Variants in SUCO observed in about 807,000 individuals in gnomAD.
SUCO encodes the protein SUN domain-containing ossification factor.
A neutral mutation model predicts 148.1 loss-of-function variants in SUCO; 57 were observed. That is an observed-to-expected ratio of 0.38 (90% CI 0.31 to 0.48). The LOEUF is 0.48. Ranked by LOEUF, SUCO falls within the 20% of genes least tolerant of loss-of-function variation. SUCO has a pLI of 0.96. For synonymous variants in SUCO, 470 were observed against 502.7 expected, an observed-to-expected ratio of 0.93 and a Z score of 0.87; for missense variants, 1,331 against 1,468.2, an observed-to-expected ratio of 0.91 and a Z score of 1.53.
chr1:172,554,343 G>T (rs548095809), intron 3 of SUCO, among the ~76,000 whole-genome samples: 1 of 152,242 alleles, frequency 6.6e-6, no homozygotes, highest in South Asian at 2.1e-4. Flanking sequence ...ACTTCCGAGT[G>T]CTTACCATGT....
At chr1:172,556,910 T>C in intron 4 of SUCO, 1 of 957,596 alleles carries the variant, frequency 1.0e-6, no homozygotes, top group Non-Finnish European at 1.2e-6. Flanking sequence ...AACGAAATTC[T>C]AAGAACACCT....
chr1:172,584,669 A>G (rs1335967958), intron 15 of SUCO, among the ~76,000 whole-genome samples: 1 of 152,122 alleles, frequency 6.6e-6, no homozygotes, highest in Admixed American at 6.5e-5. Flanking sequence ...GCTACTCGGG[A>G]GGCTGAGGCA....
intron 6 of SUCO, among the ~76,000 whole-genome samples, chr1:172,563,470 T>A (rs1288884089): frequency 6.6e-6 from 1 of 152,228 alleles, no homozygotes; most frequent in East Asian, 1.9e-4. Context: ...CTGGTGGCAT[T>A]GTGCCTCTGC....
At chr1:172,602,472 A>C in intron 21 of SUCO, 4 of 981,020 alleles carry the variant, frequency 4.1e-6, no homozygotes, top group Non-Finnish European at 4.8e-6. Context: ...AAGATGCTTA[A>C]ATGTGGAATT....
chr1:172,602,914 GTGC>G, intron 22 of SUCO, 127 bp downstream of exon 22: 1 of 778,916 alleles, frequency 1.3e-6, no homozygotes, highest in Admixed American at 2.3e-5. Context: ...CTTTGTCTTT[GTGC>G]TGTGTCAAGC....
At chr1:172,539,721 T>C (rs1362118105) in intron 1 of SUCO, among the ~76,000 whole-genome samples, 1 of 152,252 alleles carries the variant, frequency 6.6e-6, no homozygotes, top group Non-Finnish European at 1.5e-5. Context: ...TAAGCACTAC[T>C]GTATGAGTTA....
chr1:172,600,837 C>T (rs1320547565), intron 20 of SUCO, among the ~76,000 whole-genome samples: 2 of 151,990 alleles, frequency 1.3e-5, no homozygotes, highest in African/African-American at 2.4e-5. Context: ...AGCAGCCACA[C>T]ATTGCCTGGA....
At chr1:172,601,693 A>T (rs1309061691) in intron 20 of SUCO, among the ~76,000 whole-genome samples, 2 of 152,182 alleles carry the variant, frequency 1.3e-5, no homozygotes, top group Non-Finnish European at 2.9e-5. Flanking sequence ...AGTTCATTTT[A>T]TAAGATGGGA....
chr1:172,605,474 A>AT (rs1430257884), intron 22 of SUCO, among the ~76,000 whole-genome samples: 15 of 151,836 alleles, frequency 9.9e-5, no homozygotes, highest in African/African-American at 3.6e-4. Flanking sequence ...GACCACGTAC[A>AT]TGAGGGCTTA....
upstream of SUCO, chr1:172,532,669 G>A: frequency 1.2e-6 from 2 of 1,614,044 alleles, no homozygotes; most frequent in Non-Finnish European, 1.7e-6. Context: ...GTGGTGAGCA[G>A]CGAAACTATA....
intron 9 of SUCO, among the ~76,000 whole-genome samples, chr1:172,570,970 G>T (rs546465861): frequency 6.6e-6 from 1 of 152,332 alleles, no homozygotes; most frequent in East Asian, 1.9e-4. Context: ...ACTGTTGAAA[G>T]GGTGTTATTG....
At position 172,589,240 on chromosome 1, in the gene SUCO, TCA is replaced by T; in HGVS notation, c.2143_2144del (p.Thr715CysfsTer5). ...SSMHQDDLVN[H>X]TVDAVELEPS... Reference sequence around the variant, plus strand: ...GTATGCACCAGGATGACTTGGTGAATCACACTGTAGATGCAGTTGAACTTGAA... The same window carrying T: ...GTATGCACCAGGATGACTTGGTGAATCACTGTAGATGCAGTTGAACTTGAA... On this transcript the variant is annotated frameshift_variant, in exon 18 of 24. Transcript: ENST00000263688. LOFTEE classifies it high-confidence loss of function. The T allele has an allele frequency of 6.2e-7, 1 of 1,613,956 alleles. No individual in the cohort carries two copies. Among genetic ancestry groups the T allele is most frequent in the Non-Finnish European group, 8.5e-7 (1 of 1,179,900 alleles).
chr1:172,573,003 TAATA>T (rs1185715032), intron 9 of SUCO, among the ~76,000 whole-genome samples: 5 of 152,180 alleles, frequency 3.3e-5, no homozygotes, highest in Admixed American at 2.0e-4. Context: ...CTTTCCATGT[TAATA>T]AATGTAAATC....
intron 8 of SUCO, 40 bp downstream of exon 8, chr1:172,570,211 T>C (rs367671071): frequency 3.1e-6 from 4 of 1,270,736 alleles, no homozygotes; most frequent in Non-Finnish European, 4.3e-6. Context: ...TATAGGAAAT[T>C]AACGACTTTT....
At chr1:172,605,784 C>G (rs2149273082) in intron 22 of SUCO, among the ~76,000 whole-genome samples, 1 of 151,818 alleles carries the variant, frequency 6.6e-6, no homozygotes, top group Non-Finnish European at 1.5e-5. Context: ...TTTTCCTTTG[C>G]AGTCCTTATA....
intron 19 of SUCO, among the ~76,000 whole-genome samples, chr1:172,594,937 A>C (rs1380705137): frequency 6.6e-6 from 1 of 152,138 alleles, no homozygotes; most frequent in East Asian, 1.9e-4. Flanking sequence ...TAGGTCTCTA[A>C]GGACTTGCTT....
intron 1 of SUCO, among the ~76,000 whole-genome samples, chr1:172,543,823 A>G (rs1204981826): frequency 6.6e-6 from 1 of 152,114 alleles, no homozygotes; most frequent in Non-Finnish European, 1.5e-5. Flanking sequence ...AAAGAGGCCC[A>G]GTATGCTCTT....
intron 6 of SUCO, among the ~76,000 whole-genome samples, chr1:172,560,524 C>G (rs543770827): frequency 6.6e-6 from 1 of 152,240 alleles, no homozygotes; most frequent in African/African-American, 2.4e-5. Context: ...TAGTGCATGA[C>G]CTGTGTTGGT....
chr1:172,532,490 A>T (rs765497565), upstream of SUCO: 15 of 1,612,886 alleles, frequency 9.3e-6, no homozygotes, highest in African/African-American at 1.3e-5. Context: ...GATTCTTGGC[A>T]CGCCCCTTTC....
Sources: gnomAD v4.1 joint callset for allele counts (sites outside exome capture counted in the v4.1 genomes callset) on GRCh38, gnomAD v4.1.1 for gene constraint, MANE v1.5 for transcripts, NCBI Gene and HGNC (gene_info 2026-07-23, HGNC 2026-07-21) for gene names.